The following CACNA1G variants were observed in gnomAD, a reference collection of about 807,000 sequenced individuals.
CACNA1G encodes calcium voltage-gated channel subunit alpha1 G, also known as voltage-dependent T-type calcium channel subunit alpha-1G.
CACNA1G carries 67 observed loss-of-function variants against 219.4 expected under a neutral mutation model. The observed-to-expected ratio is 0.31, with a 90% CI of 0.25 to 0.37. CACNA1G has a LOEUF of 0.37. CACNA1G is among the 10% of genes least tolerant of loss of function. CACNA1G has a pLI of 1.00. For synonymous variants in CACNA1G, 1,296 were observed against 1,345.3 expected, an observed-to-expected ratio of 0.96 and a Z score of 0.80; for missense variants, 2,380 against 3,231.4, an observed-to-expected ratio of 0.74 and a Z score of 6.39.
intron 10 of CACNA1G, among the ~76,000 whole-genome samples, 156 bp from the exon 11 acceptor site, chr17:50,591,279 G>A (rs2044276889): frequency 6.6e-6 from 1 of 152,174 alleles, no homozygotes; most frequent in African/African-American, 2.4e-5. Flanking sequence ...CACTATCTTG[G>A]AGGCTCCTGC....
chr17:50,623,379 T>G (rs1235248927), intron 35 of CACNA1G, among the ~76,000 whole-genome samples: 1 of 148,436 alleles, frequency 6.7e-6, no homozygotes, highest in African/African-American at 2.5e-5. Flanking sequence ...CCCAAAGTGC[T>G]GGGATTACAG....
Position 50,575,963 on chromosome 17 carries a change from A to G in CACNA1G, c.1561A>G (p.Ile521Val), listed in dbSNP as rs1303051170. The change falls in exon 8 of 38, where the codon ATC becomes GTC. Residue 521 changes from isoleucine to valine, a missense_variant. By Grantham distance (29) the Ile-to-Val change is conservative. Around this residue, in one of 17 missense-constraint regions of CACNA1G, gnomAD observed 434 missense variants for 417.3 expected, o/e 1.04. Coordinates refer to ENST00000359106, the MANE Select transcript of CACNA1G (RefSeq NM_018896.5). ...CAGGGCCCCCCGGGCCAGCCCGGAG[A>G]TCCAGGACAGGGATGCCAATGGGTC... Reference protein sequence around the residue: ...TLRAPRASPEIQDRDANGSRR... With the variant: ...TLRAPRASPEVQDRDANGSRR... 1.3e-6 allele frequency: 2 copies of G among 1,551,704 alleles called. No homozygotes were observed. Among genetic ancestry groups the G allele is most frequent in the African/African-American group, 2.7e-5 (2 of 73,134 alleles).
chr17:50,612,434 G>C (rs2049410142), intron 26 of CACNA1G, among the ~76,000 whole-genome samples: 1 of 152,216 alleles, frequency 6.6e-6, no homozygotes, highest in African/African-American at 2.4e-5. Flanking sequence ...GCTGCCCCAC[G>C]GGACGGCTAA....
At chr17:50,580,323 C>T (rs904797831) in intron 9 of CACNA1G, among the ~76,000 whole-genome samples, 4 of 152,234 alleles carry the variant, frequency 2.6e-5, no homozygotes, top group Admixed American at 6.5e-5. Flanking sequence ...CCCCTAACCT[C>T]CCATTACTCA....
rs995759841 is a variant in CACNA1G, at chr17:50,571,817, C to T, written c.587-61C>T. On this transcript the variant is annotated intron_variant, in intron 4 of 37. Transcript: ENST00000359106. The surrounding 1 kb of genome is among the most constrained non-coding windows in gnomAD (Gnocchi z 4.3). ...GGGCCCCTCCGGGAGTGCTGCCGGG[C>T]CGTGGCAGTCAGCCTAGCCCGGCCA... 5 of 1,578,860 alleles carry T rather than the reference C, an allele frequency of 3.2e-6. No homozygotes were observed. The African/African-American group carries it at 6.7e-5, about 21-fold the overall frequency.
Position 50,590,487 on chromosome 17 carries a change from A to G in CACNA1G, c.2318A>G (p.Asn773Ser), listed in dbSNP as rs768739223. The G allele has an allele frequency of 3.1e-5, 50 of 1,613,692 alleles. No homozygotes were observed. Among genetic ancestry groups the G allele is most frequent in the Non-Finnish European group, 4.0e-5 (47 of 1,179,854 alleles). ...GCCCTGCAGCCCGAGGAGCTTACCAACGCCCTAGAAATCAGCAACATCGTC... is the reference window on the plus strand; with the variant it reads ...GCCCTGCAGCCCGAGGAGCTTACCAGCGCCCTAGAAATCAGCAACATCGTC... ...EYHEQPEELT[N>S]ALEISNIVFT... The change falls in exon 10 of 38, where the codon AAC becomes AGC. Residue 773 changes from asparagine (N) to serine (S), a missense_variant. Asn to Ser is a conservative substitution (Grantham distance 46). Coordinates refer to ENST00000359106, the MANE Select transcript of CACNA1G (RefSeq NM_018896.5).
chr17:50,576,189 G>T lies in CACNA1G; in HGVS notation c.1787G>T (p.Ser596Ile). ...SGKVYPTVHT[S>I]PPPETLKEKA... ...AAGGTGTATCCCACCGTGCACACCAGCCCTCCACCGGAGACGCTGAAGGAG... is the reference window on the plus strand; with the variant it reads ...AAGGTGTATCCCACCGTGCACACCATCCCTCCACCGGAGACGCTGAAGGAG... Residue 596 changes from serine (S) to isoleucine (I), a missense_variant, in exon 8 of 38, where the codon AGC (serine) becomes ATC (isoleucine). Ser to Ile is a moderately radical substitution (Grantham distance 142). Transcript: ENST00000359106. The T allele has an allele frequency of 6.2e-7, 1 of 1,610,102 alleles. No homozygotes were observed. The highest frequency in any genetic ancestry group is 1.6e-4 in the Middle Eastern group (1 of 6,062).
chr17:50,601,283 G>C lies in CACNA1G; in HGVS notation c.3915+109G>C, dbSNP rs1016632876. ...GCTGACCTGCAAGTCACACAGCAGG[G>C]AACGAGGGGGCCAGGACTCTCCTTT... On this transcript the variant is annotated intron_variant, in intron 19 of 37. Transcript: ENST00000359106. 8 of 1,356,000 alleles carry C rather than the reference G, an allele frequency of 5.9e-6. No homozygotes were observed. In the Admixed American group the frequency reaches 1.6e-4, roughly 27 times the overall value. The allele number at this position is 1,356,000 out of a possible 1,614,324, so 84.0% of individuals were successfully genotyped here. A position where few individuals can be genotyped will look rare whatever the true frequency, so the allele number is the denominator to read the frequency against.
In CACNA1G at chr17:50,618,673, GACCAGGAGT is replaced by G. The variant is rs2051083619; in HGVS notation, c.5447_5455del (p.Asp1816_Ser1819delinsAla). 6.2e-7 allele frequency: 1 copy of G among 1,613,074 alleles called. No individual in the cohort carries two copies. Among genetic ancestry groups the G allele is most frequent in the African/African-American group, 1.3e-5 (1 of 74,872 alleles). The stretch of plus-strand genomic sequence containing the variant: ...TCCCCAGGACACCCTCCGGGACTGT[GACCAGGAGT>G]CCACCTGCTACAACACGGTCATCTC... On this transcript the variant is annotated inframe_deletion, in exon 33 of 38. Transcript: ENST00000359106. This position sits in a 1 kb window ranked among gnomAD's most constrained non-coding sequence, Gnocchi z 5.3.
rs751651825 is a variant in CACNA1G at position 50,596,797 on chromosome 17, C to T, written c.3132C>T (p.Ala1044=). ...TGCCGCCTCTCATCATCCACACGGC[C>T]GCCACACCCATGTCGCTGCCCAAGA... is the stretch of plus-strand genomic sequence containing the variant. The part of the protein sequence containing the change: ...SLLPPLIIHT[A]ATPMSLPKST... Residue 1044 remains alanine, a synonymous_variant, in exon 16 of 38, where the codon GCC becomes GCT. Transcript: ENST00000359106. The surrounding 1 kb of genome is among the most constrained non-coding windows in gnomAD (Gnocchi z 4.8). The T allele has an allele frequency of 1.4e-5, 22 of 1,611,838 alleles. 1 individual carries two copies. Among genetic ancestry groups the T allele is most frequent in the Middle Eastern group, 1.7e-4 (1 of 6,054 alleles).
In CACNA1G at chr17:50,592,059, G is replaced by A; in HGVS notation, c.2877G>A (p.Leu959=). 6.2e-7 allele frequency: 1 copy of A among 1,613,878 alleles called. No individual in the cohort carries two copies. The highest frequency in any genetic ancestry group is 1.1e-5 in the South Asian group (1 of 91,050). The change falls in exon 13 of 38, where the codon CTG becomes CTA. Residue 959 remains leucine, a synonymous_variant. Coordinates refer to ENST00000359106, the MANE Select transcript of CACNA1G (RefSeq NM_018896.5). ...GCAACTACGTGCTCTTCAATTTGCTGGTCGCCATTCTGGTGGAGGGCTTCC... is the reference window on the plus strand; with the variant it reads ...GCAACTACGTGCTCTTCAATTTGCTAGTCGCCATTCTGGTGGAGGGCTTCC... The part of the protein sequence containing the change: ...TFGNYVLFNL[L]VAILVEGFQA...
intron 1 of CACNA1G, 54 bp from the exon 2 acceptor site, chr17:50,568,815 CG>C: frequency 6.3e-6 from 9 of 1,422,082 alleles, no homozygotes; most frequent in South Asian, 1.2e-5. Context: ...AGGGCGGGGT[CG>C]GGGGGCCGGC....
At position 50,621,745 on chromosome 17, in the gene CACNA1G, C is replaced by T. The variant is rs760886845; in HGVS notation, c.6011C>T (p.Ser2004Phe). The T allele has an allele frequency of 7.4e-6, 12 of 1,613,902 alleles. No homozygotes were observed. Among genetic ancestry groups the T allele is most frequent in the Non-Finnish European group, 9.3e-6 (11 of 1,179,906 alleles). ...TGCTCTCTAGCTCTGACGGATGACTCTTTGCCTGATGACATGCACACACTC... is the reference window on the plus strand; with the variant it reads ...TGCTCTCTAGCTCTGACGGATGACTTTTTGCCTGATGACATGCACACACTC... ...PSCSLALTDD[S>F]LPDDMHTLLL... The change falls in exon 35 of 38, where the codon TCT (serine) becomes TTT (phenylalanine). Residue 2004 changes from serine (S) to phenylalanine (F), a missense_variant. Transcript: ENST00000359106. This position sits in a 1 kb window ranked among gnomAD's most constrained non-coding sequence, Gnocchi z 4.6.
intron 35 of CACNA1G, among the ~76,000 whole-genome samples, chr17:50,622,266 T>C (rs1225595331): frequency 6.6e-6 from 1 of 150,744 alleles, no homozygotes; most frequent in Non-Finnish European, 1.5e-5. Flanking sequence ...ATGCCCTTCT[T>C]CACTTGGAGC....
Position 50,618,771 on chromosome 17 carries a change from C to CAG in CACNA1G, c.5544_5545insAG (p.Val1849ArgfsTer3). ...TCGTGCTAGTCAACGTGGTGATCGC[C>CAG]GTGCTGATGAAGCACCTGGAGGAGA... On this transcript the variant is annotated frameshift_variant, in exon 33 of 38. Coordinates refer to ENST00000359106, the MANE Select transcript of CACNA1G (RefSeq NM_018896.5). LOFTEE classifies it high-confidence loss of function. The surrounding 1 kb of genome is among the most constrained non-coding windows in gnomAD (Gnocchi z 5.3). 1 of 1,613,980 alleles carries CAG rather than the reference C, an allele frequency of 6.2e-7. No homozygotes were observed. Among genetic ancestry groups the CAG allele is most frequent in the Non-Finnish European group, 8.5e-7 (1 of 1,179,884 alleles).
Position 50,621,737 on chromosome 17 carries a change from G to A in CACNA1G, c.6003G>A (p.Thr2001=), listed in dbSNP as rs373234324. 7.4e-6 allele frequency: 12 copies of A among 1,613,726 alleles called. No individual in the cohort carries two copies. The highest frequency in any genetic ancestry group is 1.3e-5 in the African/African-American group (1 of 74,912). ...VSEPSCSLAL[T]DDSLPDDMHT... is the part of the protein sequence containing the mutation. Reference sequence around the variant, plus strand: ...AACCGTCCTGCTCTCTAGCTCTGACGGATGACTCTTTGCCTGATGACATGC... The same window carrying A: ...AACCGTCCTGCTCTCTAGCTCTGACAGATGACTCTTTGCCTGATGACATGC... Residue 2001 remains threonine, a synonymous_variant, in exon 35 of 38, where the codon ACG becomes ACA. Coordinates refer to ENST00000359106, the MANE Select transcript of CACNA1G (RefSeq NM_018896.5). This position sits in a 1 kb window ranked among gnomAD's most constrained non-coding sequence, Gnocchi z 4.6.
chr17:50,621,624 G>A lies in CACNA1G; in HGVS notation c.5926-36G>A, dbSNP rs761077002. 6.2e-7 allele frequency: 1 copy of A among 1,609,524 alleles called. No individual in the cohort carries two copies. The highest frequency in any genetic ancestry group is 8.5e-7 in the Non-Finnish European group (1 of 1,176,780). On this transcript the variant is annotated intron_variant, in intron 34 of 37. Transcript: ENST00000359106. This position sits in a 1 kb window ranked among gnomAD's most constrained non-coding sequence, Gnocchi z 4.6. ...TGTGCACGCGCGTGTGCGCTGTCCT[G>A]GTTTCTCATGCCTGATCATCTCTCT...
Position 50,623,915 on chromosome 17 carries a change from C to G in CACNA1G, c.6069C>G (p.Pro2023=). ...LLSALESNMQ[P]HPTELPGPDL... is the part of the protein sequence containing the mutation. ...CCCTGTTCCTTTTGCAGATGCAGCC[C>G]CACCCCACGGAGCTGCCAGGACCAG... is the stretch of plus-strand genomic sequence containing the variant. Residue 2023 remains proline, a synonymous_variant, in exon 36 of 38, where the codon CCC becomes CCG. Transcript: ENST00000359106. The G allele has an allele frequency of 6.2e-7, 1 of 1,609,110 alleles. No homozygotes were observed. Among genetic ancestry groups the G allele is most frequent in the Non-Finnish European group, 8.5e-7 (1 of 1,176,510 alleles).
chr17:50,567,443 T>A (rs1269205979), intron 1 of CACNA1G, among the ~76,000 whole-genome samples: 1 of 151,502 alleles, frequency 6.6e-6, no homozygotes, highest in African/African-American at 2.4e-5. Context: ...GGCTTGGGAG[T>A]CAGAACAGAG....
Sources: gnomAD v4.1 joint callset for allele counts (sites outside exome capture counted in the v4.1 genomes callset) on GRCh38, gnomAD v4.1.1 for gene constraint, gnomAD v4.1.1 regional missense constraint, Gnocchi (gnomAD v3.1) non-coding constraint, MANE v1.5 for transcripts, NCBI Gene and HGNC (gene_info 2026-07-23, HGNC 2026-07-21) for gene names.